Variants in REV1 observed in about 807,000 individuals in gnomAD.
REV1 encodes translesion synthesis protein REV1.
Under a neutral mutation model 137.4 loss-of-function variants are expected in REV1, and 42 were observed. The observed-to-expected ratio is 0.31, with a 90% CI of 0.24 to 0.40. The LOEUF is 0.40. Ranked by LOEUF, REV1 falls within the 10% of genes least tolerant of loss-of-function variation. The probability of loss-of-function intolerance (pLI) is 1.00; values close to 1 mark genes in which losing one functional copy is unlikely to be tolerated. For synonymous variants in REV1, 524 were observed against 519.2 expected, an observed-to-expected ratio of 1.01 and a Z score of -0.12; for missense variants, 1,282 against 1,490.1, an observed-to-expected ratio of 0.86 and a Z score of 2.30.
intron 10 of REV1, among the ~76,000 whole-genome samples, chr2:99,423,598 T>A (rs1678962561): frequency 6.6e-6 from 1 of 152,202 alleles, no homozygotes; most frequent in Non-Finnish European, 1.5e-5. Context: ...TATTTTTAAA[T>A]ACATCTACAA....
intron 3 of REV1, among the ~76,000 whole-genome samples, chr2:99,453,367 AAAG>A (rs1045421293): frequency 1.3e-5 from 2 of 151,982 alleles, no homozygotes; most frequent in Non-Finnish European, 2.9e-5. Flanking sequence ...AAAAAAAAAA[AAAG>A]AATTATGTGT....
At chr2:99,459,474 G>C (rs1276746133) in intron 3 of REV1, among the ~76,000 whole-genome samples, 1 of 152,190 alleles carries the variant, frequency 6.6e-6, no homozygotes, top group Non-Finnish European at 1.5e-5. Flanking sequence ...GGGAGGCTGA[G>C]GCAGAAGAAT....
intron 4 of REV1, among the ~76,000 whole-genome samples, chr2:99,444,406 G>A (rs955964864): frequency 6.6e-6 from 1 of 152,186 alleles, no homozygotes. Flanking sequence ...CTGCCCTACT[G>A]ACAGCATGCT....
chr2:99,425,387 G>T (rs3792150), intron 9 of REV1, among the ~76,000 whole-genome samples: 45 of 152,132 alleles, frequency 3.0e-4, no homozygotes, highest in African/African-American at 1.1e-3. Flanking sequence ...TACCTAAGAG[G>T]AAGGAAAATG....
At chr2:99,463,641 T>C (rs1684490710) in intron 2 of REV1, among the ~76,000 whole-genome samples, 1 of 152,208 alleles carries the variant, frequency 6.6e-6, no homozygotes, top group South Asian at 2.1e-4. Context: ...ATTTTATTTT[T>C]TTGACAGGGT....
At chr2:99,407,077 G>GTTTTTTTTTTTTTTT (rs1293864331) in intron 15 of REV1, 6 of 46,776 alleles carry the variant, frequency 1.3e-4, no homozygotes, top group Admixed American at 3.1e-4. Flanking sequence ...ACCTACAAAG[G>GTTTTTTTTTTTTTTT]TTCTTTTTTT....
In REV1 at chr2:99,442,125, G is replaced by A. The variant is rs190498646; in HGVS notation, c.503+192C>T. 8.6e-5 allele frequency among the ~76,000 whole-genome samples: 13 copies of A among 151,988 alleles called. No individual in the cohort carries two copies. In the East Asian group the frequency reaches 2.1e-3, roughly 25 times the overall value. On this transcript the variant is annotated intron_variant, in intron 5 of 22. Transcript: ENST00000258428. ...AAATTAGCCAGGCGTGGTGGCACAC[G>A]CCTGTAAGCCTAGCTACTCGGGAGG...
At chr2:99,434,508 G>A in intron 7 of REV1, 60 bp from the exon 8 acceptor site, 1 of 1,125,518 alleles carries the variant, frequency 8.9e-7, no homozygotes, top group Non-Finnish European at 1.2e-6. Context: ...CAACATGTAA[G>A]CAAAAATTTT....
intron 1 of REV1, among the ~76,000 whole-genome samples, chr2:99,481,160 C>T (rs1686563107): frequency 1.3e-5 from 2 of 152,172 alleles, no homozygotes; most frequent in Admixed American, 1.3e-4. Flanking sequence ...ATGCCTCCAC[C>T]CTACCCATAA....
intron 6 of REV1, among the ~76,000 whole-genome samples, chr2:99,437,882 G>A (rs1680963826): frequency 6.6e-6 from 1 of 151,966 alleles, no homozygotes; most frequent in Admixed American, 6.6e-5. Flanking sequence ...CCCACATAGA[G>A]TCTCTATCAC....
At chr2:99,485,575 T>C (rs912548945) in intron 1 of REV1, among the ~76,000 whole-genome samples, 3 of 152,204 alleles carry the variant, frequency 2.0e-5, no homozygotes, top group Non-Finnish European at 4.4e-5. Context: ...CAATCAGATC[T>C]CCAGCTGAAC....
intron 1 of REV1, among the ~76,000 whole-genome samples, chr2:99,483,994 C>A (rs1235561260): frequency 6.6e-6 from 1 of 152,024 alleles, no homozygotes; most frequent in East Asian, 1.9e-4. Flanking sequence ...TTAAAAAAGC[C>A]TTGCAAGGAA....
intron 1 of REV1, among the ~76,000 whole-genome samples, chr2:99,469,989 C>CA (rs1685231674): frequency 6.6e-6 from 1 of 151,918 alleles, no homozygotes; most frequent in African/African-American, 2.4e-5. Context: ...GGCATGGTGG[C>CA]GGTCACCTGT....
Position 99,408,046 on chromosome 2 carries a change from T to G in REV1, c.2431A>C (p.Ile811Leu), listed in dbSNP as rs373651460. The change falls in exon 15 of 23, where the codon ATA becomes CTA. Residue 811 changes from isoleucine to leucine, a missense_variant. By Grantham distance (5) the Ile-to-Leu change is conservative (BLOSUM62 2). Transcript: ENST00000258428. ...LNMFHTMKLN[I>L]SDMRGVGIHV... The stretch of plus-strand genomic sequence containing the variant: ...ATACTTACCCCTCTCATATCTGATA[T>G]ATTTAGTTTCATTGTATGAAACATG... 2 of 1,590,616 alleles carry G rather than the reference T, an allele frequency of 1.3e-6. No individual in the cohort carries two copies. Among genetic ancestry groups the G allele is most frequent in the East Asian group, 2.3e-5 (1 of 44,436 alleles).
chr2:99,403,429 A>G (rs1675789636), intron 19 of REV1: 2 of 565,808 alleles, frequency 3.5e-6, no homozygotes, highest in Non-Finnish European at 6.2e-6. Flanking sequence ...TAGCTGAACA[A>G]GTATTTAAGA....
intron 9 of REV1, 88 bp downstream of exon 9, chr2:99,429,752 C>CTG (rs1679875050): frequency 7.4e-6 from 5 of 673,366 alleles, no homozygotes; most frequent in Middle Eastern, 4.1e-4. Flanking sequence ...CATTTAAATC[C>CTG]ACTTCAAAAG....
intron 1 of REV1, among the ~76,000 whole-genome samples, chr2:99,471,413 A>G (rs1355489990): frequency 2.1e-5 from 3 of 141,772 alleles, no homozygotes; most frequent in Non-Finnish European, 4.7e-5. Flanking sequence ...CCTTTACACC[A>G]TGTTAAAAAA....
chr2:99,461,536 A>C (rs969468440), intron 3 of REV1, among the ~76,000 whole-genome samples: 1 of 152,244 alleles, frequency 6.6e-6, no homozygotes, highest in African/African-American at 2.4e-5. Flanking sequence ...AGCAGGTATC[A>C]GCCAGCTGAG....
At position 99,408,081 on chromosome 2, in the gene REV1, G is replaced by A. The variant is rs545561084; in HGVS notation, c.2396C>T (p.Ala799Val). Residue 799 changes from alanine to valine, a missense_variant, in exon 15 of 23, where the codon GCG becomes GTG. Ala to Val is a moderately conservative substitution (Grantham distance 64). Coordinates refer to ENST00000258428, the MANE Select transcript of REV1 (RefSeq NM_016316.4). ...CATTGTATGAAACATGTTTAGCATC[G>A]CCTTTCCAATTATTTTTGCATTATC... ...ATDNAKIIGKAMLNMFHTMKL... is the reference protein window; with the variant it reads ...ATDNAKIIGKVMLNMFHTMKL... 2.2e-5 allele frequency: 36 copies of A among 1,609,834 alleles called. No individual in the cohort carries two copies. The highest frequency in any genetic ancestry group is 5.0e-5 in the Admixed American group (3 of 59,532).
Sources: gnomAD v4.1 joint callset for allele counts (sites outside exome capture counted in the v4.1 genomes callset) on GRCh38, gnomAD v4.1.1 for gene constraint, MANE v1.5 for transcripts, NCBI Gene and HGNC (gene_info 2026-07-23, HGNC 2026-07-21) for gene names.